EGF: variants seen among roughly 807,000 people sequenced by gnomAD.
EGF encodes the protein pro-epidermal growth factor.
In EGF, 95 loss-of-function variants were observed where a neutral mutation model predicts 143.8. The ratio of observed to expected loss-of-function variants is 0.66; its 90% CI spans 0.56 to 0.78. EGF has a LOEUF of 0.78. Among genes scored for constraint, EGF ranks in the 30% least tolerant of loss-of-function variants. The pLI is 0.00. For synonymous variants in EGF, 510 were observed against 510.5 expected (o/e 1.00, Z 0.01); for missense variants, 1,320 against 1,470.9 (o/e 0.90, Z 1.68).
chr4:109,970,652 C>T (rs921454611), intron 11 of EGF, among the ~76,000 whole-genome samples: 2 of 151,814 alleles, frequency 1.3e-5, no homozygotes, highest in East Asian at 1.9e-4. Context: ...TGGTGAAACC[C>T]CGTCTCTACT....
chr4:109,933,275 G>A (rs3796948), intron 1 of EGF, among the ~76,000 whole-genome samples: 82,821 of 151,942 alleles, frequency 0.55, 25,338 homozygotes, highest in African/African-American at 0.83. Context: ...ATGGGCCCTC[G>A]CTATGTGTCT....
chr4:109,941,734 A>C (rs1183860042), intron 2 of EGF, among the ~76,000 whole-genome samples: 1 of 152,186 alleles, frequency 6.6e-6, no homozygotes, highest in Non-Finnish European at 1.5e-5. Flanking sequence ...TTGGCACCTG[A>C]CACGTAGAAA....
At chr4:109,926,999 T>A (rs900408362) in intron 1 of EGF, among the ~76,000 whole-genome samples, 3 of 152,208 alleles carry the variant, frequency 2.0e-5, no homozygotes, top group Non-Finnish European at 2.9e-5. Context: ...TAAGCTATTT[T>A]AAAAAAATCT....
Position 109,994,723 on chromosome 4 carries a change from G to C in EGF, c.2858-10G>C. On this transcript the variant is annotated splice_polypyrimidine_tract_variant and intron_variant, in intron 19 of 23. Transcript: ENST00000265171. ...TCAGAAAGTAAAAGTAATGTCTTGG[G>C]TTCTTTTAGACTCTACTCCACCCCC... 7 of 1,613,746 alleles carry C rather than the reference G, an allele frequency of 4.3e-6. No homozygotes were observed. The highest frequency in any genetic ancestry group is 5.1e-6 in the Non-Finnish European group (6 of 1,179,912).
rs935865538 is a variant in EGF at position 109,921,495 on chromosome 4, T to C, written c.127+8033T>C. Among the ~76,000 whole-genome samples, 13 of 151,580 alleles carry C rather than the reference T, an allele frequency of 8.6e-5. 1 individual carries two copies. The highest frequency in any genetic ancestry group is 2.4e-4 in the African/African-American group (10 of 40,840). On this transcript the variant is annotated intron_variant, in intron 1 of 23. Transcript: ENST00000265171. ...ATTTGTGTGTGTGTGTGAAGGTATT[T>C]GAGAGCCAGCCAACTGCTGTGACAG...
chr4:109,936,701 A>G (rs549194893), intron 1 of EGF, among the ~76,000 whole-genome samples: 3 of 152,274 alleles, frequency 2.0e-5, no homozygotes, highest in South Asian at 4.2e-4. Flanking sequence ...CCGTATAAAC[A>G]CTGCTTTAGC....
intron 1 of EGF, among the ~76,000 whole-genome samples, chr4:109,932,885 C>T (rs923547656): frequency 4.6e-5 from 7 of 152,084 alleles, no homozygotes; most frequent in Non-Finnish European, 8.8e-5. Flanking sequence ...TTTAAGGTGT[C>T]TCTTCCTAGT....
chr4:109,988,770 T>G (rs1379671417), intron 18 of EGF, 61 bp downstream of exon 18: 1 of 1,609,264 alleles, frequency 6.2e-7, no homozygotes, highest in Non-Finnish European at 8.5e-7. Context: ...CGGGAAACAA[T>G]GTGGGTGCAT....
chr4:109,995,212 A>G (rs1450178907), intron 20 of EGF, among the ~76,000 whole-genome samples: 2 of 152,184 alleles, frequency 1.3e-5, no homozygotes, highest in East Asian at 3.8e-4. Context: ...ATAATTCCTT[A>G]AAACTTTTTT....
rs11569092 is a variant in EGF, at chr4:109,999,075, T to C, written c.3006-604T>C. Reference sequence around the variant, plus strand: ...GGTGAACGTCCCTTTTTCCTCCATATAGCTTTTTCTCTCATTGAAGAAAAT... The same window carrying C: ...GGTGAACGTCCCTTTTTCCTCCATACAGCTTTTTCTCTCATTGAAGAAAAT... On this transcript the variant is annotated intron_variant, in intron 20 of 23. Transcript: ENST00000265171. Among the ~76,000 whole-genome samples, 967 of 152,344 alleles carry C rather than the reference T, an allele frequency of 6.3e-3. 11 individuals are homozygous for C. The highest frequency in any genetic ancestry group is 0.022 in the African/African-American group (916 of 41,564).
At chr4:109,989,785 A>G (rs11569057) in intron 18 of EGF, among the ~76,000 whole-genome samples, 5,183 of 152,128 alleles carry the variant, frequency 0.034, 280 homozygotes, top group East Asian at 0.16. Context: ...GGTTTCTCAC[A>G]CTGTTACTAA....
At chr4:109,973,371 C>G (rs1481506112) in intron 11 of EGF, among the ~76,000 whole-genome samples, 1 of 152,072 alleles carries the variant, frequency 6.6e-6, no homozygotes, top group Non-Finnish European at 1.5e-5. Flanking sequence ...ATGTACATTC[C>G]CTTGCTTAGG....
chr4:109,973,502 C>T (rs1747996296), intron 11 of EGF, among the ~76,000 whole-genome samples: 1 of 152,120 alleles, frequency 6.6e-6, no homozygotes, highest in Non-Finnish European at 1.5e-5. Context: ...TGTCACCCTC[C>T]CTGAGTCTTC....
chr4:110,004,219 C>T (rs199748199), intron 21 of EGF: 179 of 304,730 alleles, frequency 5.9e-4, no homozygotes, highest in Admixed American at 2.3e-3. Flanking sequence ...CATACATACA[C>T]ACACACACAC....
At chr4:109,993,164 T>G in intron 18 of EGF, 83 bp from the exon 19 acceptor site, 1 of 1,583,738 alleles carries the variant, frequency 6.3e-7, no homozygotes, top group South Asian at 1.1e-5. Context: ...CTGATGAAGC[T>G]CCTCTTCCAA....
rs1190721601 is a variant in EGF, at chr4:110,013,477, G to A, written c.*2022G>A. 1.3e-5 allele frequency among the ~76,000 whole-genome samples: 2 copies of A among 152,050 alleles called. No homozygotes were observed. The highest frequency in any genetic ancestry group is 4.8e-5 in the African/African-American group (2 of 41,426). On this transcript the variant is annotated 3_prime_UTR_variant, in exon 24 of 24. Transcript: ENST00000265171. ...TCGGATTAAAGAAAAAACACACTTT[G>A]TGTTTTTTAATCACCAAGGCACCCT... is the stretch of plus-strand genomic sequence containing the variant.
At chr4:109,997,152 T>C (rs1315085620) in intron 20 of EGF, among the ~76,000 whole-genome samples, 4 of 151,946 alleles carry the variant, frequency 2.6e-5, no homozygotes, top group African/African-American at 7.3e-5. Context: ...TCACAGAGAG[T>C]TGAAGCTGTC....
chr4:109,991,622 G>A lies in EGF; in HGVS notation c.2735-1625G>A, dbSNP rs966244808. ...AGAAAGAAAAAATGGTGGGTAGTTG[G>A]GAAAGAAAGGATGACTTTTCTGATA... On this transcript the variant is annotated intron_variant, in intron 18 of 23. Transcript: ENST00000265171. 3.3e-5 allele frequency among the ~76,000 whole-genome samples: 5 copies of A among 152,020 alleles called. 1 individual carries two copies. Among genetic ancestry groups the A allele is most frequent in the African/African-American group, 1.2e-4 (5 of 41,352 alleles).
At chr4:109,918,245 G>T (rs1007804801) in intron 1 of EGF, among the ~76,000 whole-genome samples, 11 of 144,766 alleles carry the variant, frequency 7.6e-5, no homozygotes, top group African/African-American at 2.9e-4. Flanking sequence ...TCTCTTGATT[G>T]CTAGGTGTGG....
Sources: gnomAD v4.1 joint callset for allele counts (sites outside exome capture counted in the v4.1 genomes callset) on GRCh38, gnomAD v4.1.1 for gene constraint, MANE v1.5 for transcripts, NCBI Gene and HGNC (gene_info 2026-07-23, HGNC 2026-07-21) for gene names.